CAST: variants seen among roughly 807,000 people sequenced by gnomAD.
CAST encodes calpastatin.
Under a neutral mutation model 119.6 loss-of-function variants are expected in CAST, and 76 were observed. The observed-to-expected ratio is 0.64, with a 90% CI of 0.53 to 0.77. The LOEUF (loss-of-function observed/expected upper bound fraction) is 0.77. CAST is among the 30% of genes least tolerant of loss of function. The pLI, the probability that CAST is intolerant of heterozygous loss-of-function variation, is 0.00. For missense variants in CAST, 953 were observed against 946.5 expected (o/e 1.01, Z -0.09); for synonymous variants, 319 against 331.6 (o/e 0.96, Z 0.41).
the CAST span, among the ~76,000 whole-genome samples, chr5:96,151,614 G>C: frequency 6.6e-6 from 1 of 152,356 alleles, no homozygotes; most frequent in South Asian, 2.1e-4. Flanking sequence ...GCAGGAGTCA[G>C]CTGTGCTAAG....
At chr5:96,414,004 T>C in the CAST span, among the ~76,000 whole-genome samples, 7 of 131,244 alleles carry the variant, frequency 5.3e-5, no homozygotes, top group South Asian at 1.8e-3. Flanking sequence ...CCGGGCGTAG[T>C]GGCGGGTTCC....
chr5:96,114,094 C>G, the CAST span, among the ~76,000 whole-genome samples: 44 of 150,570 alleles, frequency 2.9e-4, no homozygotes, highest in African/African-American at 1.0e-3. Context: ...GTTTGATCAT[C>G]TTCTCTCAGC....
chr5:96,371,952 A>G, the CAST span, among the ~76,000 whole-genome samples: 13 of 152,232 alleles, frequency 8.5e-5, no homozygotes, highest in Admixed American at 8.5e-4. Context: ...CCTCTAGCTC[A>G]CTTTCTGATT....
the CAST span, among the ~76,000 whole-genome samples, chr5:96,199,302 C>A: frequency 7.3e-5 from 11 of 151,664 alleles, no homozygotes; most frequent in African/African-American, 2.4e-4. Context: ...GGGCCAAGAA[C>A]AAGAAAAAAG....
chr5:96,729,006 A>G (rs1759910924), intron 6 of CAST, 147 bp from the exon 7 acceptor site: 1 of 602,598 alleles, frequency 1.7e-6, no homozygotes, highest in Non-Finnish European at 3.0e-6. Context: ...TACTTCTGTG[A>G]TCCTAAAGAG....
At chr5:96,183,766 T>G in the CAST span, among the ~76,000 whole-genome samples, 2 of 152,240 alleles carry the variant, frequency 1.3e-5, no homozygotes, top group Non-Finnish European at 2.9e-5. Context: ...ACATATTGAA[T>G]AATTGTCAAA....
At chr5:96,398,692 A>G in the CAST span, among the ~76,000 whole-genome samples, 1 of 152,212 alleles carries the variant, frequency 6.6e-6, no homozygotes, top group Non-Finnish European at 1.5e-5. Flanking sequence ...TTATCAAAGG[A>G]TCAGTGGAAA....
chr5:96,672,356 G>T (rs1266114352), intron 1 of CAST, among the ~76,000 whole-genome samples: 1 of 152,114 alleles, frequency 6.6e-6, no homozygotes, highest in Non-Finnish European at 1.5e-5. Flanking sequence ...GGCATTCATT[G>T]TATTATTCTT....
chr5:96,640,719 G>A (rs1473270077), intron 1 of CAST, among the ~76,000 whole-genome samples: 1 of 152,196 alleles, frequency 6.6e-6, no homozygotes, highest in Non-Finnish European at 1.5e-5. Flanking sequence ...ATTGTCCAGG[G>A]TTCAGGAGAC....
chr5:96,071,922 A>G, the CAST span, among the ~76,000 whole-genome samples: 59 of 152,280 alleles, frequency 3.9e-4, 1 homozygote, highest in African/African-American at 1.1e-3. Flanking sequence ...GTTGAAGCTG[A>G]CCGGTACATG....
the CAST span, among the ~76,000 whole-genome samples, chr5:96,197,672 G>A: frequency 1.3e-5 from 2 of 152,264 alleles, no homozygotes; most frequent in Non-Finnish European, 1.5e-5. Context: ...TTCAAACTGA[G>A]GCATGTCCTA....
the CAST span, chr5:96,392,789 T>A: frequency 3.3e-6 from 2 of 610,462 alleles, no homozygotes; most frequent in African/African-American, 3.7e-5. Flanking sequence ...AGGAAAGATG[T>A]GTTTTGAAAT....
At chr5:96,021,748 T>C in the CAST span, among the ~76,000 whole-genome samples, 3 of 152,302 alleles carry the variant, frequency 2.0e-5, no homozygotes, top group South Asian at 6.2e-4. Flanking sequence ...GCCTGGCTGA[T>C]CAGCATTTTC....
At chr5:96,159,905 G>A in the CAST span, among the ~76,000 whole-genome samples, 8 of 151,474 alleles carry the variant, frequency 5.3e-5, no homozygotes, top group African/African-American at 1.2e-4. Flanking sequence ...AGGCTGAGGC[G>A]GGCAGATCAC....
intron 1 of CAST, among the ~76,000 whole-genome samples, chr5:96,536,064 AAGG>A (rs1745807989): frequency 1.5e-5 from 2 of 135,350 alleles, no homozygotes; most frequent in African/African-American, 2.7e-5. Flanking sequence ...TTTAAAGAAA[AAGG>A]AGGAGGAGGG....
At position 96,736,204 on chromosome 5, in the gene CAST, G is replaced by A; in HGVS notation, c.663G>A (p.Val221=). The change falls in exon 10 of 32, where the codon GTG becomes GTA. Residue 221 remains valine, a synonymous_variant. Transcript: ENST00000675179. ...AAAAGAAATCATTAACCCCAGCTGTGCCAGTTGAATCTAAACCGGATAAAC... is the reference window on the plus strand; with the variant it reads ...AAAAGAAATCATTAACCCCAGCTGTACCAGTTGAATCTAAACCGGATAAAC... ...KKEKKSLTPA[V]PVESKPDKPS... The A allele has an allele frequency of 1.2e-6, 2 of 1,612,700 alleles. No individual in the cohort carries two copies. Among genetic ancestry groups the A allele is most frequent in the African/African-American group, 2.7e-5 (2 of 74,822 alleles).
chr5:96,682,038 T>G (rs1751492675), intron 2 of CAST, among the ~76,000 whole-genome samples: 1 of 152,180 alleles, frequency 6.6e-6, no homozygotes, highest in South Asian at 2.1e-4. Flanking sequence ...TATTAGTTAT[T>G]GTTGTTAATC....
intron 1 of CAST, among the ~76,000 whole-genome samples, chr5:96,541,408 TTTTCTTCCC>T (rs1427996919): frequency 2.0e-5 from 3 of 152,160 alleles, no homozygotes; most frequent in Non-Finnish European, 4.4e-5. Context: ...ATATTGCATA[TTTTCTTCCC>T]CAGTCCTAGA....
the CAST span, among the ~76,000 whole-genome samples, chr5:96,283,233 C>T: frequency 1.3e-5 from 2 of 151,570 alleles, no homozygotes; most frequent in Non-Finnish European, 1.5e-5. Context: ...ATTTATATAA[C>T]ATAGATTTCA....
Sources: allele counts gnomAD v4.1 joint callset (sites outside exome capture counted in the v4.1 genomes callset), GRCh38; gene constraint gnomAD v4.1.1; transcripts MANE v1.5; gene names NCBI Gene and HGNC (gene_info 2026-07-23, HGNC 2026-07-21).